The following TMBIM4 variants were observed in gnomAD, a reference collection of about 807,000 sequenced individuals.
TMBIM4 encodes transmembrane BAX inhibitor motif containing 4.
A neutral mutation model predicts 27.7 loss-of-function variants in TMBIM4; 28 were observed. The observed-to-expected ratio is 1.01, with a 90% CI of 0.75 to 1.38. The LOEUF (loss-of-function observed/expected upper bound fraction) is 1.38. TMBIM4 is among the 40% of genes most tolerant of loss of function. The probability of loss-of-function intolerance (pLI) is 0.00; values close to 1 mark genes in which losing one functional copy is unlikely to be tolerated. For missense variants in TMBIM4, 265 were observed against 277.5 expected, an observed-to-expected ratio of 0.95 and a Z score of 0.32; for synonymous variants, 115 against 113.1, an observed-to-expected ratio of 1.02 and a Z score of -0.11.
At chr12:66,169,252 GCTACTACGTAA>G in intron 1 of TMBIM4, 2 of 697,624 alleles carry the variant, frequency 2.9e-6, no homozygotes, top group Non-Finnish European at 5.2e-6. Context: ...CTGCCCATTG[GCTACTACGTAA>G]TAACTTAAAA....
At chr12:66,146,951 T>C (rs2051761852) in intron 4 of TMBIM4, among the ~76,000 whole-genome samples, 1 of 152,186 alleles carries the variant, frequency 6.6e-6, no homozygotes. Flanking sequence ...CATCTATGTT[T>C]TTCTACCCCC....
intron 6 of TMBIM4, 188 bp from the exon 7 acceptor site, chr12:66,138,354 A>G: frequency 1.2e-6 from 1 of 817,236 alleles, no homozygotes; most frequent in Non-Finnish European, 1.5e-6. Context: ...GGAAGGATGA[A>G]TGAGTGGTTA....
intron 1 of TMBIM4, among the ~76,000 whole-genome samples, chr12:66,167,609 A>C (rs1000286727): frequency 1.3e-5 from 2 of 152,222 alleles, no homozygotes; most frequent in African/African-American, 2.4e-5. Flanking sequence ...AAAGAACGGA[A>C]TGTGTTGGCA....
chr12:66,169,153 C>T (rs1257381020), intron 1 of TMBIM4: 5 of 644,320 alleles, frequency 7.8e-6, no homozygotes, highest in South Asian at 5.3e-5. Flanking sequence ...GGCTGAAAGT[C>T]TGGGGCTGTT....
In TMBIM4 at chr12:66,145,883, T is replaced by C; in HGVS notation, c.422A>G (p.Tyr141Cys). The change falls in exon 5 of 7, where the codon TAT becomes TGT. Residue 141 changes from tyrosine (Y) to cysteine (C), a missense_variant. Coordinates refer to ENST00000358230, the MANE Select transcript of TMBIM4 (RefSeq NM_016056.4). ...TTTVFFGLTV[Y>C]TLQSKKDFSK... The stretch of plus-strand genomic sequence containing the variant: ...GAAATCCTTCTTAGATTGTAGAGTA[T>C]ACACAGTCAAACCAAAAAATACTGT... 6.2e-7 allele frequency: 1 copy of C among 1,609,210 alleles called. No homozygotes were observed. Among genetic ancestry groups the C allele is most frequent in the South Asian group, 1.1e-5 (1 of 90,932 alleles).
At chr12:66,160,334 A>G in intron 1 of TMBIM4, 1 of 661,692 alleles carries the variant, frequency 1.5e-6, no homozygotes, top group Non-Finnish European at 2.8e-6. Flanking sequence ...TTTAAAATGC[A>G]CATACTCTTT....
chr12:66,148,925 G>C (rs2051795497), intron 3 of TMBIM4, among the ~76,000 whole-genome samples: 1 of 152,018 alleles, frequency 6.6e-6, no homozygotes. Flanking sequence ...TCATCTGATA[G>C]ACCATATCAC....
intron 5 of TMBIM4, among the ~76,000 whole-genome samples, chr12:66,140,241 A>C (rs887194615): frequency 6.6e-6 from 1 of 152,208 alleles, no homozygotes; most frequent in Admixed American, 6.5e-5. Context: ...TATACTCCCT[A>C]GTTCAAGATC....
In TMBIM4 at chr12:66,169,954, T is replaced by G; in HGVS notation, c.-3A>C. On this transcript the variant is annotated 5_prime_UTR_variant, in exon 1 of 7. Transcript: ENST00000358230. ...TACCGGGGGTCGGGGTCAGCCATGA[T>G]GGCAACAGCACCCCTACCGGTCCCG... The G allele has an allele frequency of 6.7e-7, 1 of 1,489,102 alleles. No individual in the cohort carries two copies. The allele number at this position is 1,489,102 out of a possible 1,614,324, so 92.2% of individuals were successfully genotyped here.
At chr12:66,142,695 G>GA (rs139686693) in intron 5 of TMBIM4, among the ~76,000 whole-genome samples, 17,699 of 146,606 alleles carry the variant, frequency 0.12, 3,102 homozygotes, top group African/African-American at 0.39. Context: ...TTCACTATTG[G>GA]AAAAAAAAAA....
chr12:66,169,585 C>A, intron 1 of TMBIM4: 2 of 449,946 alleles, frequency 4.4e-6, no homozygotes, highest in Non-Finnish European at 7.8e-6. Context: ...CCGCGGCGCC[C>A]GCTGGGGAGC....
At chr12:66,165,261 TA>T (rs1223633097) in intron 1 of TMBIM4, among the ~76,000 whole-genome samples, 1 of 151,642 alleles carries the variant, frequency 6.6e-6, no homozygotes, top group South Asian at 2.1e-4. Context: ...AAACAATATC[TA>T]AAAAAAACAA....
At chr12:66,148,603 G>A (rs1234777701) in intron 3 of TMBIM4, among the ~76,000 whole-genome samples, 1 of 152,072 alleles carries the variant, frequency 6.6e-6, no homozygotes, top group African/African-American at 2.4e-5. Flanking sequence ...ATACTCTGTG[G>A]CTATGGAAGT....
At chr12:66,159,292 G>T (rs2051996185) in intron 1 of TMBIM4, among the ~76,000 whole-genome samples, 1 of 152,230 alleles carries the variant, frequency 6.6e-6, no homozygotes. Context: ...TGCTCCAGAG[G>T]AAGTCAGCTG....
intron 1 of TMBIM4, chr12:66,169,430 C>A (rs1592561531): frequency 1.9e-6 from 1 of 524,524 alleles, no homozygotes; most frequent in African/African-American, 2.0e-5. Context: ...TAACGCGAAA[C>A]CCCACAGAAC....
At chr12:66,158,960 C>G (rs1379727146) in intron 1 of TMBIM4, among the ~76,000 whole-genome samples, 3 of 152,200 alleles carry the variant, frequency 2.0e-5, no homozygotes, top group Non-Finnish European at 2.9e-5. Context: ...TGAGCTTCAA[C>G]AACACCTGGG....
chr12:66,164,206 T>C lies in TMBIM4; in HGVS notation c.97+5649A>G, dbSNP rs548677619. Among the ~76,000 whole-genome samples the C allele has an allele frequency of 2.6e-5, 4 of 152,250 alleles. No homozygotes were observed. In the South Asian group the frequency reaches 8.3e-4, roughly 32 times the overall value. The stretch of plus-strand genomic sequence containing the variant: ...ATTAAAGGCCATTTTTCCACGGTAG[T>C]AGTTCTATGCAAACCGACCCCCAAA... On this transcript the variant is annotated intron_variant, in intron 1 of 6. Transcript: ENST00000358230.
chr12:66,149,001 C>T lies in TMBIM4; in HGVS notation c.313-1060G>A, dbSNP rs148044848. On this transcript the variant is annotated intron_variant, in intron 3 of 6. Coordinates refer to ENST00000358230, the MANE Select transcript of TMBIM4 (RefSeq NM_016056.4). Reference sequence around the variant, plus strand: ...CACTCCTGGTAGAAGCATCCCTGTACTCCACCCTACCTGATATCAGGAAAC... The same window carrying T: ...CACTCCTGGTAGAAGCATCCCTGTATTCCACCCTACCTGATATCAGGAAAC... Among the ~76,000 whole-genome samples, 853 of 152,282 alleles carry T rather than the reference C, an allele frequency of 5.6e-3. 11 individuals are homozygous for T. The highest frequency in any genetic ancestry group is 0.02 in the African/African-American group (836 of 41,558).
chr12:66,166,440 G>A (rs1438755746), intron 1 of TMBIM4, among the ~76,000 whole-genome samples: 30 of 136,570 alleles, frequency 2.2e-4, no homozygotes, highest in Non-Finnish European at 4.6e-4. Context: ...ACTCCAGTCT[G>A]AGAGACAGAG....
Sources: allele counts gnomAD v4.1 joint callset (sites outside exome capture counted in the v4.1 genomes callset), GRCh38; gene constraint gnomAD v4.1.1; transcripts MANE v1.5; gene names NCBI Gene and HGNC (gene_info 2026-07-23, HGNC 2026-07-21).